TBL1XR1: variants seen among roughly 807,000 people sequenced by gnomAD.
TBL1XR1 encodes F-box-like/WD repeat-containing protein TBL1XR1.
A neutral mutation model predicts 66.9 loss-of-function variants in TBL1XR1; 5 were observed. That is an observed-to-expected ratio of 0.07 (90% confidence interval 0.04 to 0.16). The LOEUF (loss-of-function observed/expected upper bound fraction) is 0.16, where lower values mean the gene tolerates loss of function less well. TBL1XR1 is among the 10% of genes least tolerant of loss of function. TBL1XR1 has a pLI of 1.00. For missense variants in TBL1XR1, 238 were observed against 623.2 expected (o/e 0.38, Z 6.58); for synonymous variants, 210 against 206.0 (o/e 1.02, Z -0.17).
chr3:177,116,807 G>C (rs543043207), intron 1 of TBL1XR1, among the ~76,000 whole-genome samples: 1 of 152,246 alleles, frequency 6.6e-6, no homozygotes, highest in Non-Finnish European at 1.5e-5. Flanking sequence ...GCACGTAATA[G>C]TACCTGGGAA....
chr3:177,077,193 C>G (rs955262533), intron 2 of TBL1XR1, among the ~76,000 whole-genome samples: 10 of 152,142 alleles, frequency 6.6e-5, no homozygotes, highest in African/African-American at 2.4e-4. Flanking sequence ...GCATACATCT[C>G]TAGGGAATAT....
chr3:177,122,824 A>G (rs1040304161), intron 1 of TBL1XR1, among the ~76,000 whole-genome samples: 1 of 152,140 alleles, frequency 6.6e-6, no homozygotes, highest in African/African-American at 2.4e-5. Flanking sequence ...CCAAACAATG[A>G]GCATCAACAG....
chr3:177,123,844 G>C (rs1028149280), intron 1 of TBL1XR1, among the ~76,000 whole-genome samples: 6 of 151,894 alleles, frequency 4.0e-5, no homozygotes, highest in Non-Finnish European at 5.9e-5. Context: ...ATAATTCCCT[G>C]AATCAGTAAA....
intron 2 of TBL1XR1, among the ~76,000 whole-genome samples, chr3:177,068,637 A>T (rs1205128423): frequency 6.6e-6 from 1 of 152,178 alleles, no homozygotes; most frequent in East Asian, 1.9e-4. Flanking sequence ...CCAAATATTT[A>T]ATCCTCTCCT....
intron 1 of TBL1XR1, among the ~76,000 whole-genome samples, chr3:177,145,001 A>AC (rs1295982286): frequency 6.6e-6 from 1 of 152,220 alleles, no homozygotes; most frequent in East Asian, 1.9e-4. Flanking sequence ...CAGTTTGCCA[A>AC]CCCCTGCTCT....
intron 2 of TBL1XR1, among the ~76,000 whole-genome samples, chr3:177,088,741 A>T (rs1722466728): frequency 6.6e-6 from 1 of 151,920 alleles, no homozygotes; most frequent in Non-Finnish European, 1.5e-5. Flanking sequence ...AAAAGCCTAG[A>T]GACTAAGAGG....
chr3:177,088,103 A>T (rs372544025), intron 2 of TBL1XR1, among the ~76,000 whole-genome samples: 30 of 152,212 alleles, frequency 2.0e-4, no homozygotes, highest in African/African-American at 6.0e-4. Flanking sequence ...ATTTATAGAA[A>T]GGACAGCAAA....
At chr3:177,128,458 G>A (rs1312992517) in intron 1 of TBL1XR1, among the ~76,000 whole-genome samples, 2 of 152,070 alleles carry the variant, frequency 1.3e-5, no homozygotes, top group East Asian at 3.9e-4. Flanking sequence ...CCTGCAGCCT[G>A]GATCTCTCAA....
intron 1 of TBL1XR1, among the ~76,000 whole-genome samples, chr3:177,146,607 A>AAAAAAAAAAAAAAAAAAAAAG (rs1230752188): frequency 6.7e-6 from 1 of 149,334 alleles, no homozygotes; most frequent in Non-Finnish European, 1.5e-5. Context: ...AAAAAAAAAA[A>AAAAAAAAAAAAAAAAAAAAAG]GTTGTATTCA....
chr3:177,103,298 A>G (rs541727866), intron 1 of TBL1XR1, among the ~76,000 whole-genome samples: 1 of 152,378 alleles, frequency 6.6e-6, no homozygotes, highest in East Asian at 1.9e-4. Flanking sequence ...TGTAAAAACT[A>G]TCACCTCCTT....
chr3:177,123,356 T>C (rs1727219338), intron 1 of TBL1XR1, among the ~76,000 whole-genome samples: 1 of 152,064 alleles, frequency 6.6e-6, no homozygotes. Flanking sequence ...TGAGCATACC[T>C]ACACCAACAT....
At chr3:177,182,627 A>G (rs764683959) in intron 1 of TBL1XR1, among the ~76,000 whole-genome samples, 1 of 152,122 alleles carries the variant, frequency 6.6e-6, no homozygotes, top group Non-Finnish European at 1.5e-5. Flanking sequence ...GGTGAGAGAG[A>G]CCTGTTTTCA....
intron 2 of TBL1XR1, among the ~76,000 whole-genome samples, chr3:177,093,711 A>G (rs554929609): frequency 1.3e-5 from 2 of 152,372 alleles, no homozygotes; most frequent in African/African-American, 4.8e-5. Flanking sequence ...TAACAAAAAC[A>G]TAAAGTGGGG....
chr3:177,099,661 G>T (rs1054503332), intron 1 of TBL1XR1, among the ~76,000 whole-genome samples: 6 of 152,232 alleles, frequency 3.9e-5, no homozygotes, highest in Non-Finnish European at 4.4e-5. Flanking sequence ...TTGTTGCCTA[G>T]AGGCACTTAT....
At chr3:177,193,618 C>G (rs1419597964) in intron 1 of TBL1XR1, among the ~76,000 whole-genome samples, 1 of 152,190 alleles carries the variant, frequency 6.6e-6, no homozygotes, top group South Asian at 2.1e-4. Flanking sequence ...AAGACTGCAT[C>G]TTATTAAATG....
chr3:177,072,014 G>A (rs985735821), intron 2 of TBL1XR1, among the ~76,000 whole-genome samples: 3 of 152,140 alleles, frequency 2.0e-5, no homozygotes, highest in Admixed American at 6.5e-5. Context: ...AGGCCCTACC[G>A]TGTACATTCC....
At chr3:177,191,409 GAATT>G (rs1736124122) in intron 1 of TBL1XR1, among the ~76,000 whole-genome samples, 1 of 152,214 alleles carries the variant, frequency 6.6e-6, no homozygotes, top group African/African-American at 2.4e-5. Context: ...CACTGGCCTA[GAATT>G]CACACAAACT....
intron 1 of TBL1XR1, among the ~76,000 whole-genome samples, chr3:177,172,040 C>T (rs955648580): frequency 3.3e-5 from 5 of 150,956 alleles, no homozygotes; most frequent in African/African-American, 7.3e-5. Context: ...CCAAGGCAGG[C>T]GGATAGGTCA....
chr3:177,024,199 G>A lies in TBL1XR1; in HGVS notation c.*1299C>T, dbSNP rs1712764506. 6.6e-6 allele frequency: 1 copy of A among 152,324 alleles called. No homozygotes were observed. The highest frequency in any genetic ancestry group is 2.1e-4 in the South Asian group (1 of 4,834). The allele number at this position is 152,324 out of a possible 1,614,324, so 9.4% of individuals were successfully genotyped here. ...AATCAGAGCAGCAGGAAGAAGGTTAGTGCAATTATACTTTCATTAAAAAAA... is the reference window on the plus strand; with the variant it reads ...AATCAGAGCAGCAGGAAGAAGGTTAATGCAATTATACTTTCATTAAAAAAA... On this transcript the variant is annotated 3_prime_UTR_variant, in exon 16 of 16. Transcript: ENST00000457928.
Sources: allele counts gnomAD v4.1 joint callset (sites outside exome capture counted in the v4.1 genomes callset), GRCh38; gene constraint gnomAD v4.1.1; transcripts MANE v1.5; gene names NCBI Gene and HGNC (gene_info 2026-07-23, HGNC 2026-07-21).